The following SNTG1 variants were observed in gnomAD, a reference collection of about 807,000 sequenced individuals.
The protein encoded by SNTG1 is gamma-1-syntrophin.
Under a neutral mutation model 74.7 loss-of-function variants are expected in SNTG1, and 39 were observed. That is an observed-to-expected ratio of 0.52 (90% CI 0.40 to 0.68). SNTG1 has a LOEUF of 0.68. SNTG1 is among the 30% of genes least tolerant of loss of function. SNTG1 has a pLI of 0.00. For missense variants in SNTG1, 685 were observed against 609.5 expected (o/e 1.12, Z -1.30); for synonymous variants, 254 against 217.1 (o/e 1.17, Z -1.49).
At chr8:50,683,028 G>T (rs2095337374) in intron 15 of SNTG1, among the ~76,000 whole-genome samples, 1 of 152,106 alleles carries the variant, frequency 6.6e-6, no homozygotes, top group Admixed American at 6.6e-5. Context: ...GACATATTAT[G>T]ATTAAGCATT....
intron 4 of SNTG1, among the ~76,000 whole-genome samples, chr8:50,403,843 C>T (rs1012030942): frequency 2.6e-5 from 4 of 152,254 alleles, no homozygotes; most frequent in Non-Finnish European, 5.9e-5. Context: ...CTAATTAAAG[C>T]CTCTCCCTAA....
chr8:50,047,599 C>T (rs1223688697), intron 1 of SNTG1, among the ~76,000 whole-genome samples: 2 of 151,956 alleles, frequency 1.3e-5, no homozygotes, highest in East Asian at 3.9e-4. Flanking sequence ...GAAATAGTTG[C>T]CATTTTAGAA....
intron 12 of SNTG1, among the ~76,000 whole-genome samples, chr8:50,579,986 G>T (rs901206927): frequency 6.6e-6 from 1 of 152,202 alleles, no homozygotes; most frequent in Admixed American, 6.5e-5. Context: ...ACCGTGTGCT[G>T]GGAAAAGGAA....
At position 50,559,882 on chromosome 8, in the gene SNTG1, A is replaced by G. The variant is rs189641672; in HGVS notation, c.810+6703A>G. Among the ~76,000 whole-genome samples the G allele has an allele frequency of 9.8e-5, 15 of 152,330 alleles. No individual in the cohort carries two copies. In the East Asian group the frequency reaches 2.9e-3, roughly 29 times the overall value. ...AGCAAAAATTGACAAATGCAATCTA[A>G]TTAAACTAAAGAGTTTCTGCACAGC... On this transcript the variant is annotated intron_variant, in intron 12 of 18. Coordinates refer to ENST00000642720, the MANE Select transcript of SNTG1 (RefSeq NM_018967.5).
intron 2 of SNTG1, among the ~76,000 whole-genome samples, chr8:50,182,340 TCAA>T (rs1396540484): frequency 8.5e-5 from 13 of 152,172 alleles, no homozygotes; most frequent in Admixed American, 7.9e-4. Flanking sequence ...TAATGGCAGA[TCAA>T]CAACTGTCTC....
At chr8:50,340,322 G>A (rs1224255386) in intron 2 of SNTG1, among the ~76,000 whole-genome samples, 1 of 151,922 alleles carries the variant, frequency 6.6e-6, no homozygotes, top group Non-Finnish European at 1.5e-5. Context: ...TATCTTAAGA[G>A]TTTCTATAAA....
chr8:50,775,278 A>G (rs1406228781), intron 18 of SNTG1, among the ~76,000 whole-genome samples: 3 of 151,592 alleles, frequency 2.0e-5, no homozygotes, highest in Admixed American at 6.6e-5. Context: ...ATATGACTAC[A>G]ATCAAGAGAT....
intron 2 of SNTG1, among the ~76,000 whole-genome samples, chr8:50,235,197 T>A (rs955811862): frequency 6.6e-6 from 1 of 152,146 alleles, no homozygotes; most frequent in African/African-American, 2.4e-5. Context: ...GTAACATACG[T>A]GACCACCAAC....
rs1223406503 is a variant in SNTG1 at position 50,658,585 on chromosome 8, T to A, written c.967-7T>A. On this transcript the variant is annotated splice_polypyrimidine_tract_variant and splice_region_variant and intron_variant, in intron 14 of 18. Coordinates refer to ENST00000642720, the MANE Select transcript of SNTG1 (RefSeq NM_018967.5). ...CAAATTAAACATTATTTTCTTATCTTTTAAAGGTGACCACCTGGGACTGGA... is the reference window on the plus strand; with the variant it reads ...CAAATTAAACATTATTTTCTTATCTATTAAAGGTGACCACCTGGGACTGGA... 1 of 1,589,998 alleles carries A rather than the reference T, an allele frequency of 6.3e-7. No individual in the cohort carries two copies. The highest frequency in any genetic ancestry group is 2.2e-5 in the East Asian group (1 of 44,526).
chr8:50,450,763 C>T (rs2093448761), intron 8 of SNTG1, 34 bp downstream of exon 8: 6 of 1,603,928 alleles, frequency 3.7e-6, no homozygotes, highest in Non-Finnish European at 4.3e-6. Context: ...CATAGTTTTC[C>T]CCATGTGCAA....
chr8:50,647,870 T>C (rs1380328507), intron 13 of SNTG1, among the ~76,000 whole-genome samples: 1 of 150,452 alleles, frequency 6.6e-6, no homozygotes, highest in African/African-American at 2.5e-5. Flanking sequence ...ATTTCTATTA[T>C]GCCTGTAATT....
chr8:50,369,347 A>T (rs911515581), intron 2 of SNTG1, among the ~76,000 whole-genome samples: 8 of 152,230 alleles, frequency 5.3e-5, no homozygotes. Flanking sequence ...CTGTAATCCC[A>T]GCAACTTGGG....
intron 1 of SNTG1, chr8:50,164,570 A>G (rs1404324575): frequency 6.6e-6 from 1 of 152,030 alleles, no homozygotes; most frequent in Non-Finnish European, 1.5e-5. Context: ...TTTGGTTGCA[A>G]CTCTTTTTGT....
At chr8:50,088,198 T>A (rs541674678) in intron 1 of SNTG1, among the ~76,000 whole-genome samples, 1 of 152,000 alleles carries the variant, frequency 6.6e-6, no homozygotes, top group East Asian at 1.9e-4. Flanking sequence ...ACATTTGGGT[T>A]GGTTCCAAGT....
intron 5 of SNTG1, among the ~76,000 whole-genome samples, chr8:50,449,384 A>C (rs1047339866): frequency 3.3e-5 from 5 of 152,240 alleles, no homozygotes; most frequent in Admixed American, 6.5e-5. Context: ...ATTGGATAGC[A>C]TTGCTACACA....
At chr8:49,933,333 A>T (rs902911528) in intron 1 of SNTG1, among the ~76,000 whole-genome samples, 27 of 152,232 alleles carry the variant, frequency 1.8e-4, no homozygotes, top group African/African-American at 6.5e-4. Flanking sequence ...CTCTAGTTTT[A>T]ATTTGCATAT....
At chr8:50,255,619 A>G (rs2086845349) in intron 2 of SNTG1, among the ~76,000 whole-genome samples, 1 of 152,160 alleles carries the variant, frequency 6.6e-6, no homozygotes, top group Non-Finnish European at 1.5e-5. Context: ...GACTAGTAAA[A>G]GCATCACTCT....
intron 18 of SNTG1, among the ~76,000 whole-genome samples, chr8:50,779,079 A>C (rs1481534471): frequency 2.6e-5 from 4 of 152,146 alleles, no homozygotes; most frequent in Non-Finnish European, 4.4e-5. Context: ...TTTTGGTACC[A>C]GTACCATGCT....
intron 1 of SNTG1, among the ~76,000 whole-genome samples, chr8:50,066,319 T>C (rs1185908228): frequency 6.6e-6 from 1 of 152,174 alleles, no homozygotes; most frequent in Non-Finnish European, 1.5e-5. Flanking sequence ...AAAAATTATA[T>C]ACATTTAAGA....
Sources: allele counts gnomAD v4.1 joint callset (sites outside exome capture counted in the v4.1 genomes callset), GRCh38; gene constraint gnomAD v4.1.1; transcripts MANE v1.5; gene names NCBI Gene and HGNC (gene_info 2026-07-23, HGNC 2026-07-21).